TAS2R1: variants seen among roughly 807,000 people sequenced by gnomAD.
The protein encoded by TAS2R1 is taste 2 receptor member 1, also known as taste receptor type 2 member 1.
For missense variants in TAS2R1, 370 were observed against 353.4 expected (o/e 1.05, Z -0.38); for synonymous variants, 141 against 134.2 (o/e 1.05, Z -0.35).
the TAS2R1 span, among the ~76,000 whole-genome samples, chr5:9,829,630 C>T: frequency 1.7e-4 from 26 of 152,252 alleles, no homozygotes; most frequent in South Asian, 2.3e-3. Context: ...ATTCTGTCTC[C>T]GCTTTCCTGC....
intron 1 of TAS2R1, among the ~76,000 whole-genome samples, chr5:9,707,376 A>G (rs890284762): frequency 2.0e-5 from 3 of 152,150 alleles, no homozygotes; most frequent in Non-Finnish European, 4.4e-5. Context: ...AGGACTCTCA[A>G]TGGCCCATCA....
the TAS2R1 span, among the ~76,000 whole-genome samples, chr5:9,814,262 T>A: frequency 6.6e-6 from 1 of 152,170 alleles, no homozygotes; most frequent in Non-Finnish European, 1.5e-5. Flanking sequence ...AGATTTATTG[T>A]TAATTGATAC....
intron 1 of TAS2R1, among the ~76,000 whole-genome samples, chr5:9,696,290 T>C (rs566206620): frequency 1.3e-5 from 2 of 152,294 alleles, no homozygotes; most frequent in South Asian, 2.1e-4. Context: ...TCTGATGCGG[T>C]AGCTCACGCC....
At chr5:9,808,195 G>GT in the TAS2R1 span, among the ~76,000 whole-genome samples, 2 of 152,292 alleles carry the variant, frequency 1.3e-5, no homozygotes, top group Admixed American at 6.5e-5. Flanking sequence ...ATAAGTGATT[G>GT]TGAACACTGA....
intron 2 of TAS2R1, among the ~76,000 whole-genome samples, chr5:9,643,656 A>G (rs2126482854): frequency 6.6e-6 from 1 of 152,308 alleles, no homozygotes; most frequent in South Asian, 2.1e-4. Flanking sequence ...GGAATTTTTC[A>G]ACTCCATTAA....
At chr5:9,736,013 T>C in the TAS2R1 span, among the ~76,000 whole-genome samples, 6 of 152,348 alleles carry the variant, frequency 3.9e-5, no homozygotes, top group East Asian at 1.2e-3. Flanking sequence ...TTCCTGGTTT[T>C]CTTACACTTG....
chr5:9,890,684 T>C, the TAS2R1 span, among the ~76,000 whole-genome samples: 6 of 152,254 alleles, frequency 3.9e-5, no homozygotes, highest in South Asian at 4.1e-4. Flanking sequence ...TAAGTGTCCA[T>C]GTAAACTAAT....
At chr5:9,651,915 G>A (rs747274548) in intron 2 of TAS2R1, among the ~76,000 whole-genome samples, 1 of 152,130 alleles carries the variant, frequency 6.6e-6, no homozygotes, top group Non-Finnish European at 1.5e-5. Flanking sequence ...ATCTGTACCA[G>A]TGGCACACAT....
At chr5:9,696,372 C>G (rs1421324378) in intron 1 of TAS2R1, among the ~76,000 whole-genome samples, 1 of 151,962 alleles carries the variant, frequency 6.6e-6, no homozygotes, top group South Asian at 2.1e-4. Context: ...CCAGCCTGAT[C>G]AACATGGTGA....
intron 1 of TAS2R1, among the ~76,000 whole-genome samples, chr5:9,681,927 A>T (rs549532530): frequency 3.3e-5 from 5 of 152,306 alleles, no homozygotes; most frequent in Middle Eastern, 3.4e-3. Context: ...AGTATCTAGA[A>T]TTTAGCTCTC....
chr5:9,833,529 T>C, the TAS2R1 span, among the ~76,000 whole-genome samples: 1 of 152,204 alleles, frequency 6.6e-6, no homozygotes, highest in African/African-American at 2.4e-5. Flanking sequence ...GCCCTGATGC[T>C]GATGGATAAA....
At chr5:9,662,350 C>A (rs1191659393) in intron 1 of TAS2R1, among the ~76,000 whole-genome samples, 1 of 152,170 alleles carries the variant, frequency 6.6e-6, no homozygotes, top group African/African-American at 2.4e-5. Flanking sequence ...GGCTCTGCTG[C>A]CCATTACTGC....
At chr5:9,817,854 T>G in the TAS2R1 span, among the ~76,000 whole-genome samples, 1 of 133,544 alleles carries the variant, frequency 7.5e-6, no homozygotes. Flanking sequence ...TTGTCTTACA[T>G]GGAGGCAGGA....
At chr5:9,823,264 A>G in the TAS2R1 span, among the ~76,000 whole-genome samples, 1 of 152,120 alleles carries the variant, frequency 6.6e-6, no homozygotes, top group East Asian at 1.9e-4. Flanking sequence ...GCGTTTCTCA[A>G]CCATTTTTCT....
intron 1 of TAS2R1, among the ~76,000 whole-genome samples, chr5:9,669,269 T>C (rs1740703496): frequency 6.6e-6 from 1 of 152,168 alleles, no homozygotes; most frequent in South Asian, 2.1e-4. Flanking sequence ...AACGAAGTTC[T>C]TAGACACCGA....
the TAS2R1 span, among the ~76,000 whole-genome samples, chr5:9,737,463 A>C: frequency 1.3e-5 from 2 of 152,206 alleles, no homozygotes; most frequent in Non-Finnish European, 2.9e-5. Context: ...ATGCATGCTG[A>C]GTGCTTTGAC....
At chr5:9,717,392 C>T in the TAS2R1 span, among the ~76,000 whole-genome samples, 1 of 151,966 alleles carries the variant, frequency 6.6e-6, no homozygotes, top group Non-Finnish European at 1.5e-5. Flanking sequence ...AGACCCCTTG[C>T]TCTTGATTTG....
At chr5:9,848,001 A>T in the TAS2R1 span, among the ~76,000 whole-genome samples, 1 of 152,184 alleles carries the variant, frequency 6.6e-6, no homozygotes, top group African/African-American at 2.4e-5. Context: ...GTGGGACTGG[A>T]TCCCAACAAT....
At chr5:9,872,107 A>G in the TAS2R1 span, among the ~76,000 whole-genome samples, 1 of 152,230 alleles carries the variant, frequency 6.6e-6, no homozygotes, top group African/African-American at 2.4e-5. Flanking sequence ...TTATGTATAC[A>G]TATTTTTGCT....
Sources: gnomAD v4.1 joint callset for allele counts (sites outside exome capture counted in the v4.1 genomes callset) on GRCh38, gnomAD v4.1.1 for gene constraint, MANE v1.5 for transcripts, NCBI Gene and HGNC (gene_info 2026-07-23, HGNC 2026-07-21) for gene names.